KDM4C: variants seen among roughly 807,000 people sequenced by gnomAD.
The protein encoded by KDM4C is lysine-specific demethylase 4C.
KDM4C carries 81 observed loss-of-function variants against 129.3 expected under a neutral mutation model. That is an observed-to-expected ratio of 0.63 (90% CI 0.52 to 0.75). The LOEUF (loss-of-function observed/expected upper bound fraction) is 0.75. Among genes scored for constraint, KDM4C ranks in the 30% least tolerant of loss-of-function variants. The pLI is 0.00. For synonymous variants in KDM4C, 573 were observed against 456.1 expected, an observed-to-expected ratio of 1.26 and a Z score of -3.26; for missense variants, 1,457 against 1,304.0, an observed-to-expected ratio of 1.12 and a Z score of -1.81.
chr9:7,037,781 A>T (rs775384292), intron 15 of KDM4C, among the ~76,000 whole-genome samples: 1 of 152,154 alleles, frequency 6.6e-6, no homozygotes, highest in Non-Finnish European at 1.5e-5. Context: ...TGTTCTTTGG[A>T]GACAGAAATA....
In KDM4C at chr9:6,793,093, C is replaced by G. The variant is rs751194941; in HGVS notation, c.105C>G (p.Tyr35Ter). The G allele has an allele frequency of 6.2e-7, 1 of 1,614,120 alleles. No individual in the cohort carries two copies. Among genetic ancestry groups the G allele is most frequent in the Admixed American group, 1.7e-5 (1 of 60,020 alleles). The change falls in exon 2 of 22, where the codon TAC becomes TAG. Residue 35 changes from tyrosine to a stop codon, truncating the protein, a stop_gained. Transcript: ENST00000381309. LOFTEE classifies it high-confidence loss of function. ...GGGAGTTCAACAAATACCTTGCATA[C>G]ATGGAGTCTAAAGGAGCCCATCGTG... ...EFREFNKYLAYMESKGAHRAG... is the reference protein window; with the variant it reads ...EFREFNKYLA
chr9:7,082,089 C>T (rs1445623179), intron 17 of KDM4C, among the ~76,000 whole-genome samples: 1 of 152,102 alleles, frequency 6.6e-6, no homozygotes, highest in African/African-American at 2.4e-5. Context: ...CTTCTGAAAC[C>T]ACCTTCTCTA....
At chr9:6,819,356 G>C (rs1832643117) in intron 4 of KDM4C, among the ~76,000 whole-genome samples, 1 of 152,204 alleles carries the variant, frequency 6.6e-6, no homozygotes, top group Admixed American at 6.5e-5. Context: ...TTAGACTTCA[G>C]ATTTGTGTAA....
chr9:7,112,552 A>G (rs917507047), intron 18 of KDM4C, among the ~76,000 whole-genome samples: 1 of 152,188 alleles, frequency 6.6e-6, no homozygotes, highest in African/African-American at 2.4e-5. Context: ...CCAAGGGACA[A>G]CTAGTTAATT....
chr9:6,749,573 C>T (rs1015070258), intron 1 of KDM4C, among the ~76,000 whole-genome samples: 3 of 151,670 alleles, frequency 2.0e-5, no homozygotes, highest in South Asian at 2.1e-4. Flanking sequence ...GAGGCTGTGA[C>T]GGGAGGATTG....
At chr9:6,790,914 C>T (rs1448090027) in intron 1 of KDM4C, among the ~76,000 whole-genome samples, 1 of 152,094 alleles carries the variant, frequency 6.6e-6, no homozygotes, top group Non-Finnish European at 1.5e-5. Flanking sequence ...CATAGTAAAA[C>T]CTGCCTACTT....
chr9:6,751,155 A>T (rs1354135571), intron 1 of KDM4C, among the ~76,000 whole-genome samples: 1 of 152,118 alleles, frequency 6.6e-6, no homozygotes, highest in Non-Finnish European at 1.5e-5. Flanking sequence ...AAGTCAAAAG[A>T]TCAGCCTAGG....
At chr9:6,800,969 A>G (rs1828835199) in intron 2 of KDM4C, among the ~76,000 whole-genome samples, 1 of 152,154 alleles carries the variant, frequency 6.6e-6, no homozygotes, top group Non-Finnish European at 1.5e-5. Context: ...AGGATATAAA[A>G]TATGTAGTAT....
intron 5 of KDM4C, among the ~76,000 whole-genome samples, chr9:6,870,220 A>G (rs896411437): frequency 7.9e-5 from 12 of 152,096 alleles, no homozygotes; most frequent in Non-Finnish European, 7.4e-5. Flanking sequence ...TGTTCTTTGT[A>G]TCTGCGGTTT....
At chr9:6,748,745 T>C (rs1209547519) in intron 1 of KDM4C, 4 of 1,483,240 alleles carry the variant, frequency 2.7e-6, no homozygotes, top group Non-Finnish European at 3.8e-6. Context: ...TATCTCCTTT[T>C]AGCATGATCC....
intron 17 of KDM4C, among the ~76,000 whole-genome samples, chr9:7,101,556 G>A (rs902132545): frequency 1.3e-5 from 2 of 152,026 alleles, no homozygotes; most frequent in Admixed American, 1.3e-4. Context: ...TACTTCCTAA[G>A]GAAACTGTGA....
At chr9:6,875,355 T>C (rs1843389099) in intron 5 of KDM4C, among the ~76,000 whole-genome samples, 1 of 152,098 alleles carries the variant, frequency 6.6e-6, no homozygotes. Flanking sequence ...GCATGTGAGA[T>C]TGTTGATACA....
At chr9:6,911,635 A>G (rs1045857679) in intron 8 of KDM4C, among the ~76,000 whole-genome samples, 2 of 152,246 alleles carry the variant, frequency 1.3e-5, no homozygotes, top group East Asian at 3.8e-4. Context: ...AAATGTTCAT[A>G]TTTAGTTCAA....
chr9:7,089,388 A>G (rs2133028662), intron 17 of KDM4C, among the ~76,000 whole-genome samples: 1 of 152,330 alleles, frequency 6.6e-6, no homozygotes, highest in Non-Finnish European at 1.5e-5. Flanking sequence ...TCTTCACAGT[A>G]TTGACTCAGT....
intron 17 of KDM4C, among the ~76,000 whole-genome samples, chr9:7,099,852 C>A (rs929543366): frequency 2.6e-5 from 4 of 152,094 alleles, no homozygotes; most frequent in African/African-American, 4.8e-5. Flanking sequence ...TCTTTCATTC[C>A]CCTCCCTGCA....
chr9:6,885,903 G>C (rs1223232538), intron 6 of KDM4C, among the ~76,000 whole-genome samples: 1 of 152,048 alleles, frequency 6.6e-6, no homozygotes, highest in Non-Finnish European at 1.5e-5. Flanking sequence ...TCCAATTTAG[G>C]TTAACTTATG....
intron 8 of KDM4C, among the ~76,000 whole-genome samples, chr9:6,931,821 G>A (rs1324681335): frequency 6.6e-6 from 1 of 152,108 alleles, no homozygotes; most frequent in Non-Finnish European, 1.5e-5. Context: ...ATATACATTT[G>A]GCAGTCTTAT....
intron 4 of KDM4C, among the ~76,000 whole-genome samples, chr9:6,847,916 A>G (rs115935821): frequency 0.028 from 4,337 of 152,306 alleles, 201 homozygotes; most frequent in African/African-American, 0.097. Flanking sequence ...TTAGAAAATC[A>G]TTTAAAGACC....
intron 8 of KDM4C, among the ~76,000 whole-genome samples, chr9:6,961,491 T>C (rs1470255714): frequency 6.6e-6 from 1 of 152,220 alleles, no homozygotes; most frequent in East Asian, 1.9e-4. Flanking sequence ...GTGCATAAAC[T>C]TTCTGTTTGT....
Sources: gnomAD v4.1 joint callset for allele counts (sites outside exome capture counted in the v4.1 genomes callset) on GRCh38, gnomAD v4.1.1 for gene constraint, MANE v1.5 for transcripts, NCBI Gene and HGNC (gene_info 2026-07-23, HGNC 2026-07-21) for gene names.